The following XIRP2 variants were observed in gnomAD, a reference collection of about 807,000 sequenced individuals.
XIRP2 encodes xin actin-binding repeat-containing protein 2.
Under a neutral mutation model 277.0 loss-of-function variants are expected in XIRP2, and 236 were observed. That is an observed-to-expected ratio of 0.85 (90% CI 0.77 to 0.95). The LOEUF (loss-of-function observed/expected upper bound fraction) is 0.95, where lower values mean the gene tolerates loss of function less well. XIRP2 is among the 40% of genes least tolerant of loss of function. The pLI, the probability that XIRP2 is intolerant of heterozygous loss-of-function variation, is 0.00. For missense variants in XIRP2, 4,640 were observed against 4,157.5 expected, an observed-to-expected ratio of 1.12 and a Z score of -3.19; for synonymous variants, 1,490 against 1,416.5, an observed-to-expected ratio of 1.05 and a Z score of -1.17.
In XIRP2 at chr2:167,103,400, T is replaced by A. The variant is rs540537080; in HGVS notation, c.409-32509T>A. ...GTCAGAGAAAAAAACTTGCTTTAGT[T>A]TTATTGTTGTTGCTCTTGTTGCTGC... is the stretch of plus-strand genomic sequence containing the variant. On this transcript the variant is annotated intron_variant, in intron 2 of 10. Transcript: ENST00000409195. Among the ~76,000 whole-genome samples, 6 of 152,272 alleles carry A rather than the reference T, an allele frequency of 3.9e-5. No homozygotes were observed. In the South Asian group the frequency reaches 1.2e-3, roughly 32 times the overall value.
rs1695389798 is a variant in XIRP2 at position 167,249,271 on chromosome 2, A to G, written c.7879A>G (p.Asn2627Asp). 8 of 1,613,866 alleles carry G rather than the reference A, an allele frequency of 5.0e-6. No individual in the cohort carries two copies. Among genetic ancestry groups the G allele is most frequent in the Non-Finnish European group, 6.8e-6 (8 of 1,179,838 alleles). Residue 2627 changes from asparagine (N) to aspartate (D), a missense_variant, in exon 9 of 11, where the codon AAC (asparagine) becomes GAC (aspartate). Asn to Asp is a conservative substitution (Grantham distance 23). Coordinates refer to ENST00000409195, the MANE Select transcript of XIRP2 (RefSeq NM_152381.6). Reference sequence around the variant, plus strand: ...TCGGATACTAGGAGTGTGTTCTGATAACCAACTCTCCACAACATCGCCAGA... The same window carrying G: ...TCGGATACTAGGAGTGTGTTCTGATGACCAACTCTCCACAACATCGCCAGA... ...NARILGVCSDNQLSTTSPETV... is the reference protein window; with the variant it reads ...NARILGVCSDDQLSTTSPETV...
At chr2:166,964,966 G>C (rs1476596244) in intron 2 of XIRP2, among the ~76,000 whole-genome samples, 2 of 151,750 alleles carry the variant, frequency 1.3e-5, no homozygotes, top group African/African-American at 4.8e-5. Flanking sequence ...AGGCTCTGCT[G>C]ATCATCGTCT....
At chr2:167,085,366 T>C (rs1334008276) in intron 2 of XIRP2, among the ~76,000 whole-genome samples, 1 of 151,144 alleles carries the variant, frequency 6.6e-6, no homozygotes, top group Non-Finnish European at 1.5e-5. Context: ...CTTCCAAGTA[T>C]GTGGTCAATT....
intron 2 of XIRP2, among the ~76,000 whole-genome samples, chr2:167,099,956 A>C: frequency 6.6e-6 from 1 of 152,118 alleles, no homozygotes; most frequent in Admixed American, 6.5e-5. Context: ...CTATTCAGCC[A>C]TCTTGCCTGG....
chr2:167,192,904 C>A (rs770909262), intron 3 of XIRP2, among the ~76,000 whole-genome samples: 23 of 152,162 alleles, frequency 1.5e-4, no homozygotes, highest in Non-Finnish European at 2.8e-4. Context: ...TTCATTAGAG[C>A]CTTGACTTCG....
chr2:166,912,444 G>T (rs1255524522), intron 2 of XIRP2, among the ~76,000 whole-genome samples: 1 of 152,210 alleles, frequency 6.6e-6, no homozygotes, highest in Non-Finnish European at 1.5e-5. Context: ...CTCGTGCCAT[G>T]TTTTTCAGCT....
chr2:166,936,188 C>T (rs757868942), intron 2 of XIRP2, among the ~76,000 whole-genome samples: 1 of 152,170 alleles, frequency 6.6e-6, no homozygotes, highest in Non-Finnish European at 1.5e-5. Context: ...TTTCATGTGT[C>T]TGTTGGCTGC....
At chr2:166,985,751 T>G (rs533731928) in intron 2 of XIRP2, among the ~76,000 whole-genome samples, 3 of 152,042 alleles carry the variant, frequency 2.0e-5, no homozygotes, top group Non-Finnish European at 4.4e-5. Context: ...CTAACAATTA[T>G]TCTTAGTGTT....
At chr2:166,929,675 A>G (rs980504859) in intron 2 of XIRP2, among the ~76,000 whole-genome samples, 1 of 152,092 alleles carries the variant, frequency 6.6e-6, no homozygotes, top group African/African-American at 2.4e-5. Flanking sequence ...GTATTTTATC[A>G]AAACTTACCT....
chr2:166,916,589 A>G (rs1684887617), intron 2 of XIRP2, among the ~76,000 whole-genome samples: 1 of 152,214 alleles, frequency 6.6e-6, no homozygotes, highest in Admixed American at 6.5e-5. Flanking sequence ...TTCTCATAGG[A>G]AGAGTTTTAG....
At chr2:166,933,071 C>G (rs1353430844) in intron 2 of XIRP2, among the ~76,000 whole-genome samples, 1 of 151,804 alleles carries the variant, frequency 6.6e-6, no homozygotes, top group Non-Finnish European at 1.5e-5. Flanking sequence ...TTAATCTACA[C>G]ACACACACAC....
chr2:167,100,494 C>G (rs1442504577), intron 2 of XIRP2, among the ~76,000 whole-genome samples: 1 of 152,184 alleles, frequency 6.6e-6, no homozygotes, highest in Non-Finnish European at 1.5e-5. Context: ...CCAAATCCTC[C>G]TTGATAGAAG....
intron 2 of XIRP2, among the ~76,000 whole-genome samples, chr2:167,098,416 T>C (rs193159057): frequency 0.027 from 4,083 of 152,332 alleles, 118 homozygotes; most frequent in East Asian, 0.13. Context: ...TATGCTCTTC[T>C]CTAAACTGGT....
intron 2 of XIRP2, among the ~76,000 whole-genome samples, chr2:166,913,221 G>T (rs1349923855): frequency 6.6e-6 from 1 of 152,142 alleles, no homozygotes; most frequent in African/African-American, 2.4e-5. Flanking sequence ...TACAGAGGCA[G>T]GCAGGCCTCC....
At chr2:167,194,886 G>A (rs1404767958) in intron 3 of XIRP2, among the ~76,000 whole-genome samples, 1 of 152,086 alleles carries the variant, frequency 6.6e-6, no homozygotes, top group African/African-American at 2.4e-5. Flanking sequence ...AGTAAGTGCT[G>A]TATAAGCTTT....
chr2:167,173,240 G>T (rs1692747226), intron 3 of XIRP2, among the ~76,000 whole-genome samples: 1 of 151,692 alleles, frequency 6.6e-6, no homozygotes, highest in Admixed American at 6.6e-5. Flanking sequence ...ACTTTTTTTG[G>T]ACCCATTAAC....
chr2:167,112,578 A>G (rs1000781770), intron 2 of XIRP2, among the ~76,000 whole-genome samples: 6 of 145,788 alleles, frequency 4.1e-5, no homozygotes, highest in African/African-American at 1.5e-4. Context: ...AGATATATTT[A>G]TATATAATAT....
In XIRP2 at chr2:167,087,140, T is replaced by G. The variant is rs533050948; in HGVS notation, c.409-48769T>G. On this transcript the variant is annotated intron_variant, in intron 2 of 10. Transcript: ENST00000409195. ...GTTTTTGGTGTGGATGTCCTTTCTG[T>G]TTGTTAGTTTTCCTTCTAACAGACA... 3.7e-3 allele frequency among the ~76,000 whole-genome samples: 566 copies of G among 152,250 alleles called. 3 individuals carry two copies. Among genetic ancestry groups the G allele is most frequent in the African/African-American group, 0.013 (529 of 41,546 alleles).
At chr2:167,226,544 C>T (rs115720953) in intron 5 of XIRP2, among the ~76,000 whole-genome samples, 204 of 152,240 alleles carry the variant, frequency 1.3e-3, no homozygotes, top group African/African-American at 4.7e-3. Flanking sequence ...ACAAAGCAAC[C>T]ACACGAGGAC....
Sources: allele counts gnomAD v4.1 joint callset (sites outside exome capture counted in the v4.1 genomes callset), GRCh38; gene constraint gnomAD v4.1.1; transcripts MANE v1.5; gene names NCBI Gene and HGNC (gene_info 2026-07-23, HGNC 2026-07-21).